PLD1: variants seen among roughly 807,000 people sequenced by gnomAD.
The protein encoded by PLD1 is choline phosphatase 1.
PLD1 carries 112 observed loss-of-function variants against 137.1 expected under a neutral mutation model. That is an observed-to-expected ratio of 0.82 (90% CI 0.70 to 0.96). The LOEUF (loss-of-function observed/expected upper bound fraction) is 0.96. Ranked by LOEUF, PLD1 falls within the 40% of genes least tolerant of loss-of-function variation. The pLI, the probability that PLD1 is intolerant of heterozygous loss-of-function variation, is 0.00. For synonymous variants in PLD1, 431 were observed against 454.7 expected, an observed-to-expected ratio of 0.95 and a Z score of 0.66; for missense variants, 1,321 against 1,342.0, an observed-to-expected ratio of 0.98 and a Z score of 0.24.
chr3:171,677,532 A>T, intron 17 of PLD1, 34 bp downstream of exon 17: 1 of 1,602,556 alleles, frequency 6.2e-7, no homozygotes, highest in Non-Finnish European at 8.5e-7. Context: ...TAAAAGACAA[A>T]ATATAACCAG....
At chr3:171,762,513 A>G (rs1200372228) in intron 1 of PLD1, among the ~76,000 whole-genome samples, 1 of 152,198 alleles carries the variant, frequency 6.6e-6, no homozygotes, top group African/African-American at 2.4e-5. Flanking sequence ...TGAATTCTCA[A>G]GAGTGTGAAC....
intron 11 of PLD1, among the ~76,000 whole-genome samples, chr3:171,706,862 TA>T (rs1716735684): frequency 6.6e-6 from 1 of 152,206 alleles, no homozygotes; most frequent in South Asian, 2.1e-4. Flanking sequence ...TTGCTGAAAG[TA>T]GAGAGGAAAA....
chr3:171,627,341 A>G (rs1011184497), intron 23 of PLD1, among the ~76,000 whole-genome samples: 5 of 152,274 alleles, frequency 3.3e-5, no homozygotes, highest in African/African-American at 1.2e-4. Context: ...CCAATACAGG[A>G]GCACCCAGAT....
chr3:171,612,543 T>G lies in PLD1; in HGVS notation c.2729-111A>C. On this transcript the variant is annotated intron_variant, in intron 24 of 26. Coordinates refer to ENST00000351298, the MANE Select transcript of PLD1 (RefSeq NM_002662.5). This position sits in a 1 kb window ranked among gnomAD's most constrained non-coding sequence, Gnocchi z 4.1. ...AACAAAACCGTAATTTTGTCCAGGT[T>G]TTCAAGGGAAGATGTGTTTTTAGGG... 1 of 1,045,798 alleles carries G rather than the reference T, an allele frequency of 9.6e-7. No individual in the cohort carries two copies. Among genetic ancestry groups the G allele is most frequent in the East Asian group, 2.4e-5 (1 of 40,976 alleles). The allele number at this position is 1,045,798 out of a possible 1,614,324, so 64.8% of individuals were successfully genotyped here. A position where few individuals can be genotyped will look rare whatever the true frequency, so the allele number is the denominator to read the frequency against.
chr3:171,762,976 T>C (rs754479482), intron 1 of PLD1, among the ~76,000 whole-genome samples: 4 of 152,244 alleles, frequency 2.6e-5, no homozygotes, highest in Non-Finnish European at 5.9e-5. Flanking sequence ...TGGAGTCATT[T>C]TGGATTCTAA....
At chr3:171,754,261 A>G (rs967198546) in intron 1 of PLD1, among the ~76,000 whole-genome samples, 1 of 152,224 alleles carries the variant, frequency 6.6e-6, no homozygotes, top group African/African-American at 2.4e-5. Flanking sequence ...ATGAATATGA[A>G]TAAGACTTAG....
At chr3:171,603,387 A>G in intron 26 of PLD1, 85 bp from the exon 27 acceptor site, 2 of 872,210 alleles carry the variant, frequency 2.3e-6, no homozygotes, top group Non-Finnish European at 3.7e-6. Flanking sequence ...TCCAACAGAC[A>G]AGACCTCTGT....
At chr3:171,727,556 A>G (rs544762018) in intron 6 of PLD1, among the ~76,000 whole-genome samples, 1 of 152,322 alleles carries the variant, frequency 6.6e-6, no homozygotes, top group East Asian at 1.9e-4. Flanking sequence ...AGACCAACAA[A>G]GACTAAAAAG....
In PLD1 at chr3:171,733,850, A is replaced by AT. The variant is rs1022937048; in HGVS notation, c.541-342dup. On this transcript the variant is annotated intron_variant, in intron 5 of 26. Transcript: ENST00000351298. ...TTTGTTGATATTACCAAAAACTTTCATTTTTTTTTCAATTCTAACACTGAA... is the reference window on the plus strand; with the variant it reads ...TTTGTTGATATTACCAAAAACTTTCATTTTTTTTTTCAATTCTAACACTGAA... Among the ~76,000 whole-genome samples, 6 of 150,688 alleles carry AT rather than the reference A, an allele frequency of 4.0e-5. No homozygotes were observed. In the South Asian group the frequency reaches 6.3e-4, roughly 16 times the overall value.
chr3:171,734,982 A>C lies in PLD1; in HGVS notation c.435-12T>G, dbSNP rs186502523. The C allele has an allele frequency of 6.7e-7, 1 of 1,487,244 alleles. No homozygotes were observed. Among genetic ancestry groups the C allele is most frequent in the African/African-American group, 1.4e-5 (1 of 72,464 alleles). The allele number at this position is 1,487,244 out of a possible 1,614,324, so 92.1% of individuals were successfully genotyped here. A position where few individuals can be genotyped will look rare whatever the true frequency, so the allele number is the denominator to read the frequency against. On this transcript the variant is annotated splice_polypyrimidine_tract_variant and intron_variant, in intron 4 of 26. Coordinates refer to ENST00000351298, the MANE Select transcript of PLD1 (RefSeq NM_002662.5). Reference sequence around the variant, plus strand: ...TCCTAAACGTGTGTCTAAAACACAAACACACAGAATGCAAACACCTACTAG... The same window carrying C: ...TCCTAAACGTGTGTCTAAAACACAACCACACAGAATGCAAACACCTACTAG...
chr3:171,629,379 A>G (rs1734451377), intron 23 of PLD1, among the ~76,000 whole-genome samples: 1 of 152,342 alleles, frequency 6.6e-6, no homozygotes, highest in Admixed American at 6.5e-5. Context: ...AAAGAAATGG[A>G]AGAATATTCC....
chr3:171,666,961 A>C (rs1340195142), intron 19 of PLD1, among the ~76,000 whole-genome samples: 3 of 152,178 alleles, frequency 2.0e-5, no homozygotes, highest in African/African-American at 7.2e-5. Context: ...CTATGGGCCC[A>C]AGTCAAATGT....
rs776977158 is a variant in PLD1, at chr3:171,709,714, A to G, written c.912-5T>C. 6.2e-7 allele frequency: 1 copy of G among 1,610,214 alleles called. No individual in the cohort carries two copies. The highest frequency in any genetic ancestry group is 1.1e-5 in the South Asian group (1 of 90,130). ...TTGCATTTTAAAATAAGTGTCCTTT[A>G]AAGAAAAAGCCAAATATTGAAAAGA... On this transcript the variant is annotated splice_polypyrimidine_tract_variant and splice_region_variant and intron_variant, in intron 9 of 26. Coordinates refer to ENST00000351298, the MANE Select transcript of PLD1 (RefSeq NM_002662.5).
chr3:171,744,435 T>G (rs1578398208), intron 1 of PLD1, among the ~76,000 whole-genome samples: 1 of 152,248 alleles, frequency 6.6e-6, no homozygotes, highest in Admixed American at 6.5e-5. Flanking sequence ...GAAGTCTGAC[T>G]CCCAAACACA....
chr3:171,700,034 T>TTCTTTCTCTC (rs1553825660), intron 11 of PLD1, among the ~76,000 whole-genome samples: 2 of 148,600 alleles, frequency 1.3e-5, no homozygotes, highest in African/African-American at 5.0e-5. Flanking sequence ...TCTTAGTTCT[T>TTCTTTCTCTC]TCTCTCTCTC....
At chr3:171,725,519 AACT>A (rs1366348239) in intron 7 of PLD1, among the ~76,000 whole-genome samples, 2 of 152,240 alleles carry the variant, frequency 1.3e-5, no homozygotes, top group Non-Finnish European at 2.9e-5. Flanking sequence ...TTTTTGAAAC[AACT>A]ACTAACAATG....
intron 7 of PLD1, among the ~76,000 whole-genome samples, chr3:171,725,034 T>C (rs1718402965): frequency 6.6e-6 from 1 of 152,146 alleles, no homozygotes; most frequent in Non-Finnish European, 1.5e-5. Flanking sequence ...TGTTGTGCAC[T>C]ACACAGGACC....
At chr3:171,808,789 C>G (rs1723978053) in intron 1 of PLD1, among the ~76,000 whole-genome samples, 1 of 142,824 alleles carries the variant, frequency 7.0e-6, no homozygotes, top group Admixed American at 7.0e-5. Context: ...TGTAAAGACA[C>G]TTTTTCCTCA....
chr3:171,747,517 C>G (rs1420777220), intron 1 of PLD1, among the ~76,000 whole-genome samples: 2 of 151,314 alleles, frequency 1.3e-5, no homozygotes, highest in Non-Finnish European at 2.9e-5. Context: ...CCCATTCAAC[C>G]CTACTATGCA....
Sources: gnomAD v4.1 joint callset for allele counts (sites outside exome capture counted in the v4.1 genomes callset) on GRCh38, gnomAD v4.1.1 for gene constraint, Gnocchi (gnomAD v3.1) non-coding constraint, MANE v1.5 for transcripts, NCBI Gene and HGNC (gene_info 2026-07-23, HGNC 2026-07-21) for gene names.